Variants in GDI2 observed in about 807,000 individuals in gnomAD.
The protein encoded by GDI2 is GDP dissociation inhibitor 2.
Under a neutral mutation model 54.2 loss-of-function variants are expected in GDI2, and 22 were observed. The ratio of observed to expected loss-of-function variants is 0.41; its 90% CI spans 0.29 to 0.58. The LOEUF (loss-of-function observed/expected upper bound fraction) is 0.58. Among genes scored for constraint, GDI2 ranks in the 20% least tolerant of loss-of-function variants. The pLI, the probability that GDI2 is intolerant of heterozygous loss-of-function variation, is 0.35. For missense variants in GDI2, 422 were observed against 546.0 expected, an observed-to-expected ratio of 0.77 and a Z score of 2.26; for synonymous variants, 177 against 182.1, an observed-to-expected ratio of 0.97 and a Z score of 0.23.
chr10:5,788,048 C>T (rs868003821), intron 4 of GDI2, among the ~76,000 whole-genome samples: 26 of 152,160 alleles, frequency 1.7e-4, no homozygotes, highest in African/African-American at 5.8e-4. Context: ...CTATGCATGG[C>T]GCCAAATAGT....
intron 4 of GDI2, 51 bp from the exon 5 acceptor site, chr10:5,786,101 G>C (rs1361289131): frequency 8.1e-7 from 1 of 1,227,384 alleles, no homozygotes; most frequent in Non-Finnish European, 1.2e-6. Flanking sequence ...AGACATTGAG[G>C]AGAACGAAGT....
At position 5,766,511 on chromosome 10, in the gene GDI2, C is replaced by CAAGAG. The variant is rs1249670505; in HGVS notation, c.1114_1118dup (p.Leu373PhefsTer54). ...CAACTCACTTCTGTTCAATTGGTTC[C>CAAGAG]AAGAGCTCCAAAGCTGGTCTGATTT... On this transcript the variant is annotated frameshift_variant, in exon 9 of 11. Coordinates refer to ENST00000380191, the MANE Select transcript of GDI2 (RefSeq NM_001494.4). LOFTEE classifies it high-confidence loss of function. This position sits in a 1 kb window ranked among gnomAD's most constrained non-coding sequence, Gnocchi z 5.8. 6.2e-7 allele frequency: 1 copy of CAAGAG among 1,613,480 alleles called. No homozygotes were observed. Among genetic ancestry groups the CAAGAG allele is most frequent in the East Asian group, 2.2e-5 (1 of 44,896 alleles).
At chr10:5,801,924 C>T (rs936242350) in intron 1 of GDI2, among the ~76,000 whole-genome samples, 1 of 152,022 alleles carries the variant, frequency 6.6e-6, no homozygotes, top group African/African-American at 2.4e-5. Context: ...GGCAGAACTG[C>T]TTGAACCCAG....
chr10:5,786,126 T>A, intron 4 of GDI2, 76 bp from the exon 5 acceptor site: 1 of 863,264 alleles, frequency 1.2e-6, no homozygotes, highest in Non-Finnish European at 1.9e-6. Context: ...GAGCAAAGTT[T>A]AAACATGCCT....
chr10:5,812,200 C>T (rs889582396), intron 1 of GDI2, among the ~76,000 whole-genome samples: 43 of 118,106 alleles, frequency 3.6e-4, no homozygotes, highest in Non-Finnish European at 6.4e-4. Context: ...GCAAGATGAA[C>T]ATTTAAAAAA....
intron 4 of GDI2, among the ~76,000 whole-genome samples, chr10:5,794,188 A>ATATATATAT (rs1554789557): frequency 1.5e-4 from 6 of 40,338 alleles, no homozygotes; most frequent in Non-Finnish European, 2.1e-4. Context: ...AAAAAAAAAA[A>ATATATATAT]ATATATATAT....
intron 6 of GDI2, among the ~76,000 whole-genome samples, chr10:5,783,688 T>G (rs1840810205): frequency 6.6e-6 from 1 of 152,226 alleles, no homozygotes. Flanking sequence ...TGAAAAAGAC[T>G]ACTTTCCTTC....
intron 6 of GDI2, among the ~76,000 whole-genome samples, chr10:5,780,604 T>C (rs1487984503): frequency 6.6e-6 from 1 of 152,224 alleles, no homozygotes; most frequent in Non-Finnish European, 1.5e-5. Context: ...ACAATTACAT[T>C]TCTGTATACC....
At chr10:5,799,094 C>A (rs1327957298) in intron 2 of GDI2, among the ~76,000 whole-genome samples, 1 of 152,116 alleles carries the variant, frequency 6.6e-6, no homozygotes, top group Non-Finnish European at 1.5e-5. Flanking sequence ...ATAATCCCAA[C>A]ACTTTGGGAA....
At chr10:5,793,545 T>C (rs1197391008) in intron 4 of GDI2, among the ~76,000 whole-genome samples, 1 of 152,176 alleles carries the variant, frequency 6.6e-6, no homozygotes, top group East Asian at 1.9e-4. Flanking sequence ...CAATATTTTC[T>C]CCCCTAATCA....
At position 5,773,893 on chromosome 10, in the gene GDI2, T is replaced by G. The variant is rs1212194068; in HGVS notation, c.768A>C (p.Glu256Asp). The G allele has an allele frequency of 4.5e-6, 7 of 1,566,488 alleles. No homozygotes were observed. The South Asian group carries it at 7.9e-5, about 18-fold the overall frequency. ...CTTTTCCATTCTGTACAATGATTTCTTCAATGGGTTTATTCAGCATATAGG... is the reference window on the plus strand; with the variant it reads ...CTTTTCCATTCTGTACAATGATTTCGTCAATGGGTTTATTCAGCATATAGG... ...GGTYMLNKPI[E>D]EIIVQNGKVI... The change falls in exon 7 of 11, where the codon GAA (glutamate) becomes GAC (aspartate). Residue 256 changes from glutamate to aspartate, a missense_variant. By Grantham distance (45) the Glu-to-Asp change is conservative (BLOSUM62 2). Transcript: ENST00000380191.
intron 6 of GDI2, among the ~76,000 whole-genome samples, chr10:5,781,640 A>C (rs1411258249): frequency 6.6e-6 from 1 of 151,928 alleles, no homozygotes; most frequent in Admixed American, 6.6e-5. Flanking sequence ...AAAAAAAAAA[A>C]AAAGACTTCT....
chr10:5,769,350 T>A (rs1426322228), intron 7 of GDI2: 1 of 152,064 alleles, frequency 6.6e-6, no homozygotes, highest in Non-Finnish European at 1.5e-5. Flanking sequence ...GACAGGCGGA[T>A]CACCAGAGGT....
At chr10:5,805,037 T>C (rs996875350) in intron 1 of GDI2, among the ~76,000 whole-genome samples, 3 of 152,046 alleles carry the variant, frequency 2.0e-5, no homozygotes, top group African/African-American at 4.8e-5. Context: ...TTTCACCATC[T>C]TGGACAGGCT....
chr10:5,802,214 G>C (rs1270281774), intron 1 of GDI2, among the ~76,000 whole-genome samples: 1 of 152,026 alleles, frequency 6.6e-6, no homozygotes, highest in Admixed American at 6.6e-5. Context: ...TGATTATTCA[G>C]ATTTAGGTAT....
chr10:5,770,150 C>T (rs977269280), intron 7 of GDI2, among the ~76,000 whole-genome samples: 33 of 152,210 alleles, frequency 2.2e-4, no homozygotes, highest in African/African-American at 5.3e-4. Flanking sequence ...TATATTATTC[C>T]GTTTATATAA....
chr10:5,793,734 A>G (rs1374404294), intron 4 of GDI2, among the ~76,000 whole-genome samples: 4 of 152,176 alleles, frequency 2.6e-5, no homozygotes, highest in Non-Finnish European at 5.9e-5. Flanking sequence ...ACTGCTCCAT[A>G]CAAGGACTAA....
In GDI2 at chr10:5,774,082, A is replaced by C. The variant is rs1197644894; in HGVS notation, c.720-141T>G. 8.4e-6 allele frequency: 4 copies of C among 478,170 alleles called. 1 individual carries two copies. The South Asian group carries it at 1.6e-4, about 19-fold the overall frequency. The allele number at this position is 478,170 out of a possible 1,614,324, so 29.6% of individuals were successfully genotyped here. A position where few individuals can be genotyped will look rare whatever the true frequency, so the allele number is the denominator to read the frequency against. On this transcript the variant is annotated intron_variant, in intron 6 of 10. Coordinates refer to ENST00000380191, the MANE Select transcript of GDI2 (RefSeq NM_001494.4). The surrounding 1 kb of genome is among the most constrained non-coding windows in gnomAD (Gnocchi z 4.8). ...AAAGATGTCAGCTTAGAAGTGATTAAAGCAAGAAAACAGAGTCAAAAACAC... is the reference window on the plus strand; with the variant it reads ...AAAGATGTCAGCTTAGAAGTGATTACAGCAAGAAAACAGAGTCAAAAACAC...
chr10:5,804,557 T>C (rs1458905990), intron 1 of GDI2, among the ~76,000 whole-genome samples: 1 of 152,182 alleles, frequency 6.6e-6, no homozygotes, highest in African/African-American at 2.4e-5. Context: ...TCTAATCATG[T>C]GTATTAACTT....
Sources: allele counts gnomAD v4.1 joint callset (sites outside exome capture counted in the v4.1 genomes callset), GRCh38; gene constraint gnomAD v4.1.1; non-coding constraint Gnocchi (gnomAD v3.1); transcripts MANE v1.5; gene names NCBI Gene and HGNC (gene_info 2026-07-23, HGNC 2026-07-21).